The following IQCJ variants were observed in gnomAD, a reference collection of about 807,000 sequenced individuals.
IQCJ encodes the protein IQ domain-containing protein J.
IQCJ carries 9 observed loss-of-function variants against 11.0 expected under a neutral mutation model. The ratio of observed to expected loss-of-function variants is 0.82; its 90% confidence interval spans 0.49 to 1.43. The LOEUF is 1.43. IQCJ is among the 40% of genes most tolerant of loss of function. IQCJ has a pLI of 0.00. For missense variants in IQCJ, 146 were observed against 133.2 expected, an observed-to-expected ratio of 1.10 and a Z score of -0.47; for synonymous variants, 55 against 51.3, an observed-to-expected ratio of 1.07 and a Z score of -0.31.
intron 1 of IQCJ, among the ~76,000 whole-genome samples, chr3:159,129,566 G>A (rs1459184173): frequency 6.6e-6 from 1 of 152,174 alleles, no homozygotes; most frequent in Non-Finnish European, 1.5e-5. Context: ...TAATAGAGGG[G>A]AAAGAGTTGT....
chr3:159,114,144 G>A (rs557618187), intron 1 of IQCJ, among the ~76,000 whole-genome samples: 23 of 152,146 alleles, frequency 1.5e-4, no homozygotes, highest in Non-Finnish European at 2.4e-4. Context: ...GTTGAGGAAG[G>A]ATGGAAGCTG....
chr3:159,250,729 C>T (rs1411967163), intron 2 of IQCJ, among the ~76,000 whole-genome samples: 1 of 152,194 alleles, frequency 6.6e-6, no homozygotes, highest in African/African-American at 2.4e-5. Flanking sequence ...ATTAGATTAT[C>T]TCCACCTGGT....
intron 1 of IQCJ, among the ~76,000 whole-genome samples, chr3:159,138,166 T>A (rs1301667399): frequency 6.6e-6 from 1 of 152,232 alleles, no homozygotes; most frequent in African/African-American, 2.4e-5. Flanking sequence ...GTTGGAGGCC[T>A]GTTCTTTTCA....
intron 1 of IQCJ, among the ~76,000 whole-genome samples, chr3:159,244,718 G>A (rs1242688043): frequency 6.6e-6 from 1 of 152,188 alleles, no homozygotes; most frequent in Non-Finnish European, 1.5e-5. Context: ...CCACATTCTG[G>A]AATGCAGTAT....
intron 1 of IQCJ, among the ~76,000 whole-genome samples, chr3:159,180,100 G>A (rs867458556): frequency 6.6e-6 from 1 of 152,192 alleles, no homozygotes; most frequent in Non-Finnish European, 1.5e-5. Flanking sequence ...ACCTGAGGTG[G>A]GGTTGGAAGG....
At chr3:159,194,763 A>G (rs1267153183) in intron 1 of IQCJ, among the ~76,000 whole-genome samples, 1 of 152,166 alleles carries the variant, frequency 6.6e-6, no homozygotes. Context: ...CAAGCTTCCT[A>G]GAGTCATCCT....
At chr3:159,241,515 A>G (rs1726923420) in intron 1 of IQCJ, among the ~76,000 whole-genome samples, 1 of 152,210 alleles carries the variant, frequency 6.6e-6, no homozygotes, top group South Asian at 2.1e-4. Flanking sequence ...TGTTCACAGC[A>G]TCACCCTGGC....
intron 1 of IQCJ, among the ~76,000 whole-genome samples, chr3:159,177,971 G>A (rs1292610106): frequency 1.3e-5 from 2 of 152,166 alleles, no homozygotes; most frequent in Admixed American, 1.3e-4. Flanking sequence ...ACAGCTGGCT[G>A]CTAACTTCAA....
intron 1 of IQCJ, among the ~76,000 whole-genome samples, chr3:159,091,498 C>A (rs1717279529): frequency 1.3e-5 from 2 of 151,712 alleles, no homozygotes; most frequent in Admixed American, 1.3e-4. Context: ...ATGACCCAAT[C>A]ACCTCCCAAA....
intron 1 of IQCJ, among the ~76,000 whole-genome samples, chr3:159,105,822 C>T (rs549215135): frequency 3.9e-5 from 6 of 152,220 alleles, no homozygotes; most frequent in Non-Finnish European, 5.9e-5. Flanking sequence ...ATACATCACA[C>T]GCAGCCGTAT....
intron 1 of IQCJ, among the ~76,000 whole-genome samples, chr3:159,206,083 A>G (rs547694667): frequency 1.2e-4 from 18 of 152,184 alleles, no homozygotes; most frequent in African/African-American, 4.3e-4. Flanking sequence ...GCCTGGGCCA[A>G]TCCCTCCATC....
rs193162217 is a variant in IQCJ at position 159,119,554 on chromosome 3, A to G, written c.9+50113A>G. Among the ~76,000 whole-genome samples the G allele has an allele frequency of 1.7e-3, 253 of 152,304 alleles. 1 individual carries two copies. Among genetic ancestry groups the G allele is most frequent in the Admixed American group, 0.013 (197 of 15,290 alleles). ...AAGATGTTTACTAGTAAAACATCAG[A>G]AAAAAACATTCCATGAAGTAGTAAA... On this transcript the variant is annotated intron_variant, in intron 1 of 3. Coordinates refer to ENST00000397832, the MANE Select transcript of IQCJ (RefSeq NM_001042706.3).
chr3:159,264,961 C>T (rs1728419030), downstream of IQCJ, among the ~76,000 whole-genome samples: 1 of 151,270 alleles, frequency 6.6e-6, no homozygotes. Flanking sequence ...AATTAGCTGT[C>T]AGAAAGCAAG....
chr3:159,266,088 T>A (rs2108245352), downstream of IQCJ: 1 of 152,372 alleles, frequency 6.6e-6, no homozygotes, highest in Non-Finnish European at 1.5e-5. Flanking sequence ...ACTCTGCTAT[T>A]ATCTTGTTTA....
chr3:159,150,583 A>AACACACACACACACAC (rs373030886), intron 1 of IQCJ, among the ~76,000 whole-genome samples: 57 of 146,176 alleles, frequency 3.9e-4, no homozygotes, highest in African/African-American at 1.4e-3. Context: ...CATTGTCCCC[A>AACACACACACACACAC]ACACACACAC....
chr3:159,143,323 T>C (rs1413453288), intron 1 of IQCJ, among the ~76,000 whole-genome samples: 2 of 152,226 alleles, frequency 1.3e-5, no homozygotes, highest in Non-Finnish European at 2.9e-5. Context: ...CCATACAAAT[T>C]CTCAGGGTTC....
intron 1 of IQCJ, among the ~76,000 whole-genome samples, chr3:159,191,325 T>C (rs750650499): frequency 6.6e-6 from 1 of 152,128 alleles, no homozygotes; most frequent in Non-Finnish European, 1.5e-5. Context: ...AGGAGGAGGC[T>C]GGGGTTGGAT....
At chr3:159,151,856 A>T (rs749311988) in intron 1 of IQCJ, among the ~76,000 whole-genome samples, 1 of 152,142 alleles carries the variant, frequency 6.6e-6, no homozygotes. Context: ...AGATGGTCTC[A>T]ATCTCCCAAC....
At chr3:159,227,048 G>C (rs868222981) in intron 1 of IQCJ, among the ~76,000 whole-genome samples, 4 of 152,144 alleles carry the variant, frequency 2.6e-5, no homozygotes, top group Non-Finnish European at 5.9e-5. Context: ...AAATCAGGAG[G>C]CTTAATGAGA....
Sources: gnomAD v4.1 joint callset for allele counts (sites outside exome capture counted in the v4.1 genomes callset) on GRCh38, gnomAD v4.1.1 for gene constraint, MANE v1.5 for transcripts, NCBI Gene and HGNC (gene_info 2026-07-23, HGNC 2026-07-21) for gene names.